CACNG6: variants seen among roughly 807,000 people sequenced by gnomAD.
CACNG6 encodes calcium voltage-gated channel auxiliary subunit gamma 6.
In CACNG6, 21 loss-of-function variants were observed where a neutral mutation model predicts 23.9. The observed-to-expected ratio is 0.88, with a 90% confidence interval of 0.62 to 1.26. The LOEUF (loss-of-function observed/expected upper bound fraction) is 1.26, where lower values mean the gene tolerates loss of function less well. CACNG6 is among the 50% of genes most tolerant of loss of function. The pLI is 0.00. For missense variants in CACNG6, 340 were observed against 352.9 expected (o/e 0.96, Z 0.29); for synonymous variants, 182 against 168.9 (o/e 1.08, Z -0.60).
chr19:53,993,575 G>A (rs2069490252), intron 1 of CACNG6, among the ~76,000 whole-genome samples: 1 of 150,672 alleles, frequency 6.6e-6, no homozygotes, highest in Non-Finnish European at 1.5e-5. Context: ...AGACGAGTCT[G>A]TACCCCTATT....
chr19:53,993,352 C>T lies in CACNG6; in HGVS notation c.331+144C>T. ...TTGCCTCGCAGTAAGCGCCAGTGCCCACTTCGTCCTCTGCTCTCAGAAACT... is the reference window on the plus strand; with the variant it reads ...TTGCCTCGCAGTAAGCGCCAGTGCCTACTTCGTCCTCTGCTCTCAGAAACT... On this transcript the variant is annotated intron_variant, in intron 1 of 3. Coordinates refer to ENST00000252729, the MANE Select transcript of CACNG6 (RefSeq NM_145814.2). The T allele has an allele frequency of 1.0e-5, 8 of 790,164 alleles. No homozygotes were observed. In the South Asian group the frequency reaches 1.3e-4, roughly 13 times the overall value. The allele number at this position is 790,164 out of a possible 1,614,324, so 48.9% of individuals were successfully genotyped here.
intron 1 of CACNG6, among the ~76,000 whole-genome samples, chr19:53,994,313 C>T (rs529928182): frequency 1.3e-5 from 2 of 152,188 alleles, no homozygotes; most frequent in African/African-American, 2.4e-5. Flanking sequence ...CCTGTCCTCT[C>T]GCCTCCAAAT....
At position 53,998,030 on chromosome 19, in the gene CACNG6, G is replaced by A. The variant is rs889200865; in HGVS notation, c.332-209G>A. On this transcript the variant is annotated intron_variant, in intron 1 of 3. Coordinates refer to ENST00000252729, the MANE Select transcript of CACNG6 (RefSeq NM_145814.2). ...GCGCACTTGGGGCCACAGGTCTGGGGCTCAGAGCCCCGGGTAGGAGTCCCA... is the reference window on the plus strand; with the variant it reads ...GCGCACTTGGGGCCACAGGTCTGGGACTCAGAGCCCCGGGTAGGAGTCCCA... Among the ~76,000 whole-genome samples, 3 of 152,130 alleles carry A rather than the reference G, an allele frequency of 2.0e-5. No individual in the cohort carries two copies. In the South Asian group the frequency reaches 6.2e-4, roughly 31 times the overall value.
chr19:54,002,285 T>G (rs1419980462), intron 3 of CACNG6, among the ~76,000 whole-genome samples: 11 of 121,994 alleles, frequency 9.0e-5, no homozygotes, highest in South Asian at 2.5e-4. Context: ...GTTTTTTTTG[T>G]TTTTTTTTTT....
chr19:54,012,529 T>G lies in CACNG6; in HGVS notation c.*340T>G. 9.3e-6 allele frequency: 2 copies of G among 215,668 alleles called. No homozygotes were observed. The highest frequency in any genetic ancestry group is 9.1e-6 in the Non-Finnish European group (1 of 110,218). 13.4% of individuals were successfully genotyped at this position (215,668 alleles called of 1,614,324 possible). A position where few individuals can be genotyped will look rare whatever the true frequency, so the allele number is the denominator to read the frequency against. Reference sequence around the variant, plus strand: ...TGGGTGGGAGTTGGGGGCCCCTTCATTTCCCAGGTCTGGATCGATTCACTT... The same window carrying G: ...TGGGTGGGAGTTGGGGGCCCCTTCAGTTCCCAGGTCTGGATCGATTCACTT... On this transcript the variant is annotated 3_prime_UTR_variant, in exon 4 of 4. Coordinates refer to ENST00000252729, the MANE Select transcript of CACNG6 (RefSeq NM_145814.2).
In CACNG6 at chr19:53,993,037, G is replaced by C; in HGVS notation, c.160G>C (p.Val54Leu). The change falls in exon 1 of 4, where the codon GTG becomes CTG. Residue 54 changes from valine (V) to leucine (L), a missense_variant. Coordinates refer to ENST00000252729, the MANE Select transcript of CACNG6 (RefSeq NM_145814.2). Reference sequence around the variant, plus strand: ...GGCCGCCGTGGGCGCCACGCTGGCGGTGCTGTCCGTGGGCACCGAGTTCTG... The same window carrying C: ...GGCCGCCGTGGGCGCCACGCTGGCGCTGCTGTCCGTGGGCACCGAGTTCTG... ...LLAAVGATLA[V>L]LSVGTEFWVE... is the part of the protein sequence containing the mutation. The C allele has an allele frequency of 6.7e-7, 1 of 1,488,950 alleles. No individual in the cohort carries two copies. Among genetic ancestry groups the C allele is most frequent in the Non-Finnish European group, 8.9e-7 (1 of 1,120,500 alleles). 92.2% of individuals were successfully genotyped at this position (1,488,950 alleles called of 1,614,324 possible). A position where few individuals can be genotyped will look rare whatever the true frequency, so the allele number is the denominator to read the frequency against.
intron 1 of CACNG6, among the ~76,000 whole-genome samples, chr19:53,994,798 G>A (rs999586302): frequency 1.3e-5 from 2 of 152,164 alleles, no homozygotes; most frequent in African/African-American, 4.8e-5. Flanking sequence ...CCCCCCGGCT[G>A]TCTGAGCTAC....
rs1420223987 is a variant in CACNG6, at chr19:53,991,913, T to G, written c.-965T>G. 6.6e-6 allele frequency among the ~76,000 whole-genome samples: 1 copy of G among 151,952 alleles called. No individual in the cohort carries two copies. Among genetic ancestry groups the G allele is most frequent in the Non-Finnish European group, 1.5e-5 (1 of 67,940 alleles). On this transcript the variant is annotated 5_prime_UTR_variant, in exon 1 of 4. Transcript: ENST00000252729. ...AACCCTGGGGGGACTCAGTCCTGGT[T>G]TTCCGAGCCGCAGTGCGGACCACAG...
intron 3 of CACNG6, among the ~76,000 whole-genome samples, chr19:54,009,170 C>T (rs547687983): frequency 2.0e-5 from 3 of 152,118 alleles, no homozygotes; most frequent in East Asian, 1.9e-4. Flanking sequence ...CGTCTGTAAT[C>T]CCAGCACTTT....
rs1236056716 is a variant in CACNG6 at position 54,006,517 on chromosome 19, C to CTTTTTTTTTTTT, written c.545-5430_545-5429insTTTTTTTTTTTT. Among the ~76,000 whole-genome samples the CTTTTTTTTTTTT allele has an allele frequency of 9.3e-5, 10 of 107,332 alleles. 1 individual carries two copies. The highest frequency in any genetic ancestry group is 3.4e-4 in the African/African-American group (9 of 26,584). The allele number at this position is 107,332 out of a possible 152,430, so 70.4% of individuals were successfully genotyped here. Reference sequence around the variant, plus strand: ...GGTCTGTGTCCCCAGTTCCTTCTTTCTTTTCTTTTTTTTTTTTTTTTTTTT... The same window carrying CTTTTTTTTTTTT: ...GGTCTGTGTCCCCAGTTCCTTCTTTCTTTTTTTTTTTTTTTTCTTTTTTTTTTTTTTTTTTTT... On this transcript the variant is annotated intron_variant, in intron 3 of 3. Coordinates refer to ENST00000252729, the MANE Select transcript of CACNG6 (RefSeq NM_145814.2).
rs2145949531 is a variant in CACNG6, at chr19:53,991,674, G to A, written c.-1204G>A. ...GTGGCGGGCACAGCCGGACGCTTCG[G>A]AGGCAGCGCGGAGCTGGGGTCGGCG... On this transcript the variant is annotated 5_prime_UTR_variant, in exon 1 of 4. Transcript: ENST00000252729. 6.6e-6 allele frequency among the ~76,000 whole-genome samples: 1 copy of A among 152,140 alleles called. No individual in the cohort carries two copies. The highest frequency in any genetic ancestry group is 1.5e-5 in the Non-Finnish European group (1 of 67,930).
At chr19:53,997,961 T>A (rs1044910026) in intron 1 of CACNG6, among the ~76,000 whole-genome samples, 26 of 152,102 alleles carry the variant, frequency 1.7e-4, no homozygotes, top group African/African-American at 6.0e-4. Flanking sequence ...GAGATTATTA[T>A]CTCGTTTTAA....
chr19:54,011,386 G>A (rs1263521583), intron 3 of CACNG6, among the ~76,000 whole-genome samples: 3 of 133,798 alleles, frequency 2.2e-5, no homozygotes, highest in Non-Finnish European at 3.1e-5. Flanking sequence ...AGCTGAGATC[G>A]CACCACTGCA....
intron 1 of CACNG6, among the ~76,000 whole-genome samples, chr19:53,996,485 C>T (rs1363430972): frequency 4.6e-5 from 7 of 151,814 alleles, no homozygotes; most frequent in East Asian, 1.9e-4. Context: ...CTCTGCTTCC[C>T]GGGTTCAAGC....
rs971451983 is a variant in CACNG6, at chr19:53,999,788, T to C, written c.544+17T>C. ...GCCTCTCAGGTGAGGGTTCAGAGCC[T>C]GGAGGCTGAGGACATTGCATGCTGG... On this transcript the variant is annotated intron_variant, in intron 3 of 3. Transcript: ENST00000252729. The C allele has an allele frequency of 1.2e-6, 2 of 1,612,480 alleles. No homozygotes were observed. The highest frequency in any genetic ancestry group is 3.3e-5 in the Admixed American group (2 of 59,882).
chr19:54,006,474 TG>T (rs2069645938), intron 3 of CACNG6, among the ~76,000 whole-genome samples: 1 of 151,724 alleles, frequency 6.6e-6, no homozygotes, highest in Non-Finnish European at 1.5e-5. Context: ...TATCTTCACA[TG>T]GTCTTCCCTC....
intron 3 of CACNG6, among the ~76,000 whole-genome samples, chr19:54,002,284 G>GTTTTTTTTT (rs139176353): frequency 3.6e-4 from 42 of 117,362 alleles, no homozygotes; most frequent in Admixed American, 5.5e-4. Flanking sequence ...TGTTTTTTTT[G>GTTTTTTTTT]TTTTTTTTTT....
rs537603238 is a variant in CACNG6 at position 54,009,991 on chromosome 19, C to A, written c.545-1960C>A. Among the ~76,000 whole-genome samples the A allele has an allele frequency of 3.9e-3, 596 of 150,894 alleles. 5 individuals carry two copies. The highest frequency in any genetic ancestry group is 0.013 in the African/African-American group (545 of 41,134). On this transcript the variant is annotated intron_variant, in intron 3 of 3. Coordinates refer to ENST00000252729, the MANE Select transcript of CACNG6 (RefSeq NM_145814.2). ...TTATCTTTATTTTGTGACCCCTCCCCCTCTATCACTCTTTTAAAAAACTTG... is the reference window on the plus strand; with the variant it reads ...TTATCTTTATTTTGTGACCCCTCCCACTCTATCACTCTTTTAAAAAACTTG...
rs1363538160 is a variant in CACNG6, at chr19:53,993,145, C to T, written c.268C>T (p.Arg90Trp). 10 of 1,547,694 alleles carry T rather than the reference C, an allele frequency of 6.5e-6. No individual in the cohort carries two copies. The highest frequency in any genetic ancestry group is 5.9e-5 in the Admixed American group (3 of 50,924). The change falls in exon 1 of 4, where the codon CGG (arginine) becomes TGG (tryptophan). Residue 90 changes from arginine to tryptophan, a missense_variant. Transcript: ENST00000252729. ...HLGLWKACTK[R>W]LWQADVPVDR... ...GGGGCTGTGGAAGGCGTGCACCAAG[C>T]GGCTGTGGCAGGCGGACGTGCCCGT...
Sources: gnomAD v4.1 joint callset for allele counts (sites outside exome capture counted in the v4.1 genomes callset) on GRCh38, gnomAD v4.1.1 for gene constraint, MANE v1.5 for transcripts, NCBI Gene and HGNC (gene_info 2026-07-23, HGNC 2026-07-21) for gene names.